ZNF347: variants seen among roughly 807,000 people sequenced by gnomAD.
The protein encoded by ZNF347 is zinc finger protein 347, also known as CTD-2620I22.7.
ZNF347 carries 19 observed loss-of-function variants against 12.9 expected under a neutral mutation model. The observed-to-expected ratio is 1.47, with a 90% CI of 1.03 to 2.16. The LOEUF is 2.16. Among genes scored for constraint, ZNF347 ranks in the 30% most tolerant of loss-of-function variants. The probability of loss-of-function intolerance (pLI) is 0.00; values close to 1 mark genes in which losing one functional copy is unlikely to be tolerated. For synonymous variants in ZNF347, 328 were observed against 340.6 expected (o/e 0.96, Z 0.41); for missense variants, 1,005 against 990.6 (o/e 1.01, Z -0.19).
rs1166893861 is a variant in ZNF347 at position 53,140,642 on chromosome 19, G to C, written c.2186C>G (p.Ala729Gly). The C allele has an allele frequency of 6.2e-7, 1 of 1,611,256 alleles. No homozygotes were observed. The highest frequency in any genetic ancestry group is 8.5e-7 in the Non-Finnish European group (1 of 1,179,290). ...GTAAGGTTTTTTTCCAGTATGGATT[G>C]CCTGATGGGTAGTTAGGCTTGAACG... ...SVRSSLTTHQ[A>G]IHTGKKPYKC... is the part of the protein sequence containing the mutation. The change falls in exon 5 of 5, where the codon GCA (alanine) becomes GGA (glycine). Residue 729 changes from alanine to glycine, a missense_variant. By Grantham distance (60) the Ala-to-Gly change is moderately conservative. Coordinates refer to ENST00000334197, the MANE Select transcript of ZNF347 (RefSeq NM_032584.3).
chr19:53,150,850 C>T (rs545485061), intron 2 of ZNF347, among the ~76,000 whole-genome samples: 4 of 152,272 alleles, frequency 2.6e-5, no homozygotes, highest in Middle Eastern at 3.4e-3. Context: ...AGCGATTCTC[C>T]GGCCTCAGCC....
At position 53,140,757 on chromosome 19, in the gene ZNF347, T is replaced by TA. The variant is rs768199164; in HGVS notation, c.2070dup (p.Ser691Ter). ...TGCCTTGCAAGCTTTGATGTTTGAC[T>TA]AAAGGCTTTGCCACATTCATTACAC... On this transcript the variant is annotated frameshift_variant, in exon 5 of 5. Coordinates refer to ENST00000334197, the MANE Select transcript of ZNF347 (RefSeq NM_032584.3). LOFTEE classifies it low-confidence loss of function (END_TRUNC). 3 of 1,612,674 alleles carry TA rather than the reference T, an allele frequency of 1.9e-6. No individual in the cohort carries two copies. In the South Asian group the frequency reaches 3.3e-5, roughly 18 times the overall value.
At chr19:53,147,583 TAAAG>T (rs2090471374) in intron 4 of ZNF347, among the ~76,000 whole-genome samples, 1 of 150,814 alleles carries the variant, frequency 6.6e-6, no homozygotes, top group Non-Finnish European at 1.5e-5. Flanking sequence ...ATAATAATAA[TAAAG>T]AAAGAAAAGA....
intron 2 of ZNF347, among the ~76,000 whole-genome samples, chr19:53,152,955 T>C (rs376102026): frequency 2.0e-5 from 3 of 151,940 alleles, no homozygotes; most frequent in African/African-American, 4.8e-5. Context: ...AAAATAATAA[T>C]TGGCAAAACA....
chr19:53,154,127 C>T (rs181351304), intron 1 of ZNF347, among the ~76,000 whole-genome samples: 1 of 152,226 alleles, frequency 6.6e-6, no homozygotes, highest in Admixed American at 6.5e-5. Context: ...TGACCAAACC[C>T]CATGCAGAGA....
intron 1 of ZNF347, 71 bp from the exon 2 acceptor site, chr19:53,153,864 T>A: frequency 8.7e-7 from 1 of 1,142,866 alleles, no homozygotes; most frequent in Non-Finnish European, 1.3e-6. Flanking sequence ...TTGCTCAGAA[T>A]CAACACATCC....
intron 1 of ZNF347, among the ~76,000 whole-genome samples, chr19:53,155,085 G>C (rs1010721777): frequency 6.6e-6 from 1 of 151,756 alleles, no homozygotes; most frequent in South Asian, 2.1e-4. Context: ...TCACAGGCGC[G>C]TGCCACTATG....
rs1320194393 is a variant in ZNF347 at position 53,135,852 on chromosome 19, GAATA to G, written c.*4452_*4455del. The stretch of plus-strand genomic sequence containing the variant: ...ATGCAAAGATAAATCACTTATTAAA[GAATA>G]TATATCAGTTTTTTAAAATGGAAAC... On this transcript the variant is annotated 3_prime_UTR_variant, in exon 5 of 5. Transcript: ENST00000334197. The G allele has an allele frequency of 6.6e-6, 1 of 152,062 alleles. No individual in the cohort carries two copies. Among genetic ancestry groups the G allele is most frequent in the Non-Finnish European group, 1.5e-5 (1 of 68,014 alleles). 9.4% of individuals were successfully genotyped at this position (152,062 alleles called of 1,614,324 possible).
chr19:53,152,652 C>T lies in ZNF347; in HGVS notation c.15+1081G>A, dbSNP rs570532300. Among the ~76,000 whole-genome samples, 44 of 151,736 alleles carry T rather than the reference C, an allele frequency of 2.9e-4. 1 individual carries two copies. The highest frequency in any genetic ancestry group is 2.3e-3 in the South Asian group (11 of 4,802). ...ATATTTAATAATTGGTAAAACAGGC[C>T]GGGCGCAGTGGCTCACGCCTGTAAT... On this transcript the variant is annotated intron_variant, in intron 2 of 4. Coordinates refer to ENST00000334197, the MANE Select transcript of ZNF347 (RefSeq NM_032584.3).
intron 4 of ZNF347, among the ~76,000 whole-genome samples, chr19:53,148,038 A>C (rs898615436): frequency 1.7e-4 from 26 of 152,208 alleles, no homozygotes; most frequent in African/African-American, 6.3e-4. Flanking sequence ...CATATATGAC[A>C]AATCCAGCAG....
At position 53,135,335 on chromosome 19, in the gene ZNF347, TATATAGAG is replaced by T. The variant is rs1336584218; in HGVS notation, c.*4965_*4972del. 39 of 79,284 alleles carry T rather than the reference TATATAGAG, an allele frequency of 4.9e-4. No homozygotes were observed. Among genetic ancestry groups the T allele is most frequent in the Non-Finnish European group, 7.6e-4 (33 of 43,316 alleles). 4.9% of individuals were successfully genotyped at this position (79,284 alleles called of 1,614,324 possible). A position where few individuals can be genotyped will look rare whatever the true frequency, so the allele number is the denominator to read the frequency against. On this transcript the variant is annotated 3_prime_UTR_variant, in exon 5 of 5. Transcript: ENST00000334197. ...ATATATATATATATATATATATATA[TATATAGAG>T]AGAGAGAGAGAGAGAGAGAGAGAGA...
intron 2 of ZNF347, among the ~76,000 whole-genome samples, chr19:53,153,081 C>G (rs1053018236): frequency 6.6e-6 from 1 of 152,212 alleles, no homozygotes; most frequent in Non-Finnish European, 1.5e-5. Context: ...AAACACCAGT[C>G]TCCATTGTAT....
At chr19:53,156,711 A>AG (rs941190560) in intron 1 of ZNF347, among the ~76,000 whole-genome samples, 1 of 152,128 alleles carries the variant, frequency 6.6e-6, no homozygotes, top group African/African-American at 2.4e-5. Context: ...GGTGGTGGGG[A>AG]GGGGGATGTC....
chr19:53,148,861 A>C, intron 3 of ZNF347, 52 bp from the exon 4 acceptor site: 1 of 1,588,546 alleles, frequency 6.3e-7, no homozygotes, highest in South Asian at 1.1e-5. Context: ...CCAGAGTCCC[A>C]GTCCTATGTT....
rs1356044819 is a variant in ZNF347 at position 53,139,519 on chromosome 19, AT to A, written c.*788del. 3.9e-5 allele frequency: 6 copies of A among 152,300 alleles called. No homozygotes were observed. The highest frequency in any genetic ancestry group is 1.4e-4 in the African/African-American group (6 of 41,570). The allele number at this position is 152,300 out of a possible 1,614,324, so 9.4% of individuals were successfully genotyped here. On this transcript the variant is annotated 3_prime_UTR_variant, in exon 5 of 5. Transcript: ENST00000334197. ...GAAACCTCAAACAATGGAATAAAAG[AT>A]TTTATAACCTGAAGGTAAGTAGCCA...
chr19:53,152,405 G>C (rs1451928412), intron 2 of ZNF347, among the ~76,000 whole-genome samples: 1 of 151,706 alleles, frequency 6.6e-6, no homozygotes, highest in African/African-American at 2.4e-5. Flanking sequence ...TCAAAAGTTT[G>C]GGACCAGCCT....
chr19:53,140,472 T>C lies in ZNF347; in HGVS notation c.2356A>G (p.Ile786Val). ...QTSKLARHQRIHTGEKPYECG... is the reference protein window; with the variant it reads ...QTSKLARHQRVHTGEKPYECG... ...TCATATGGTTTCTCTCCGGTATGAATTCTCTGATGCCTTGCAAGTTTTGAA... is the reference window on the plus strand; with the variant it reads ...TCATATGGTTTCTCTCCGGTATGAACTCTCTGATGCCTTGCAAGTTTTGAA... Residue 786 changes from isoleucine to valine, a missense_variant, in exon 5 of 5, where the codon ATT becomes GTT. Physicochemically the swap from Ile to Val is conservative, Grantham distance 29. Coordinates refer to ENST00000334197, the MANE Select transcript of ZNF347 (RefSeq NM_032584.3). The C allele has an allele frequency of 1.2e-6, 2 of 1,613,860 alleles. No homozygotes were observed. Among genetic ancestry groups the C allele is most frequent in the Non-Finnish European group, 1.7e-6 (2 of 1,179,908 alleles).
chr19:53,150,901 G>A (rs887186442), intron 2 of ZNF347, among the ~76,000 whole-genome samples: 3 of 151,952 alleles, frequency 2.0e-5, no homozygotes, highest in East Asian at 1.9e-4. Context: ...CACCACACCC[G>A]GCTAATTTTT....
chr19:53,141,547 T>C lies in ZNF347; in HGVS notation c.1281A>G (p.Lys427=). The part of the protein sequence containing the change: ...TNHWRIHTGE[K]PYKCNECGKA... ...TGCCGCACTCATTACACTTGTAAGG[T>C]TTCTCTCCAGTGTGAATTCTCCAGT... is the stretch of plus-strand genomic sequence containing the variant. Residue 427 remains lysine, a synonymous_variant, in exon 5 of 5, where the codon AAA becomes AAG. Transcript: ENST00000334197. The C allele has an allele frequency of 6.2e-7, 1 of 1,613,664 alleles. No individual in the cohort carries two copies. The highest frequency in any genetic ancestry group is 8.5e-7 in the Non-Finnish European group (1 of 1,179,900).
Sources: gnomAD v4.1 joint callset for allele counts (sites outside exome capture counted in the v4.1 genomes callset) on GRCh38, gnomAD v4.1.1 for gene constraint, MANE v1.5 for transcripts, NCBI Gene and HGNC (gene_info 2026-07-23, HGNC 2026-07-21) for gene names.